Variants in PTPRD observed in about 807,000 individuals in gnomAD.
The protein encoded by PTPRD is protein tyrosine phosphatase receptor type D.
In PTPRD, 34 loss-of-function variants were observed where a neutral mutation model predicts 214.5. That is an observed-to-expected ratio of 0.16 (90% CI 0.12 to 0.21). The LOEUF (loss-of-function observed/expected upper bound fraction) is 0.21, where lower values mean the gene tolerates loss of function less well. Ranked by LOEUF, PTPRD falls within the 10% of genes least tolerant of loss-of-function variation. The probability of loss-of-function intolerance (pLI) is 1.00; values close to 1 mark genes in which losing one functional copy is unlikely to be tolerated. For missense variants in PTPRD, 2,545 were observed against 2,398.7 expected (o/e 1.06, Z -1.27); for synonymous variants, 1,128 against 845.7 (o/e 1.33, Z -5.79).
At chr9:10,443,731 A>G (rs2098777885) in intron 2 of PTPRD, among the ~76,000 whole-genome samples, 1 of 151,408 alleles carries the variant, frequency 6.6e-6, no homozygotes, top group Admixed American at 6.6e-5. Flanking sequence ...TCAGTATTAG[A>G]GTCCATTACC....
At chr9:8,926,894 T>C (rs115216438) in intron 11 of PTPRD, among the ~76,000 whole-genome samples, 6,705 of 152,260 alleles carry the variant, frequency 0.044, 178 homozygotes, top group Middle Eastern at 0.088. Flanking sequence ...ATTAAGACAA[T>C]CTAAGGCAGA....
At chr9:8,634,050 T>A (rs1253792012) in intron 13 of PTPRD, among the ~76,000 whole-genome samples, 1 of 151,996 alleles carries the variant, frequency 6.6e-6, no homozygotes, top group East Asian at 1.9e-4. Context: ...ATCATTCCAG[T>A]ATTTGTTCTA....
At chr9:9,045,162 G>C (rs1590405957) in intron 10 of PTPRD, among the ~76,000 whole-genome samples, 1 of 152,228 alleles carries the variant, frequency 6.6e-6, no homozygotes, top group East Asian at 1.9e-4. Flanking sequence ...GGATTTTAGA[G>C]CACTTAGATG....
chr9:10,267,683 A>G (rs555110649), intron 3 of PTPRD, among the ~76,000 whole-genome samples: 1 of 152,306 alleles, frequency 6.6e-6, no homozygotes, highest in African/African-American at 2.4e-5. Context: ...ATGCTTATGC[A>G]TTTGATCAGA....
At chr9:10,084,464 G>T (rs2098295685) in intron 3 of PTPRD, among the ~76,000 whole-genome samples, 1 of 151,812 alleles carries the variant, frequency 6.6e-6, no homozygotes, top group South Asian at 2.1e-4. Flanking sequence ...GATTAAACCA[G>T]TTTTTGTTTA....
chr9:9,103,534 C>T (rs1199883188), intron 10 of PTPRD, among the ~76,000 whole-genome samples: 1 of 151,804 alleles, frequency 6.6e-6, no homozygotes, highest in Non-Finnish European at 1.5e-5. Flanking sequence ...CACACTAGTT[C>T]TTGGTTTCAA....
rs772947135 is a variant in PTPRD, at chr9:10,110,062, TTTA to T, written c.-544-76275_-544-76273del. On this transcript the variant is annotated intron_variant, in intron 3 of 45. Transcript: ENST00000381196. Reference sequence around the variant, plus strand: ...GTGAGGAAAAATGTAGATGCTATAATTTATTGTTTGTTATTAATTTCAAGGACA... The same window carrying T: ...GTGAGGAAAAATGTAGATGCTATAATTTGTTTGTTATTAATTTCAAGGACA... 6.4e-4 allele frequency among the ~76,000 whole-genome samples: 97 copies of T among 152,224 alleles called. 1 individual carries two copies. Among genetic ancestry groups the T allele is most frequent in the Non-Finnish European group, 1.1e-3 (76 of 68,004 alleles).
chr9:9,696,873 C>A (rs1384794906), intron 7 of PTPRD, among the ~76,000 whole-genome samples: 1 of 152,020 alleles, frequency 6.6e-6, no homozygotes, highest in Admixed American at 6.6e-5. Flanking sequence ...TTTACAAATT[C>A]TCTCTCACTT....
intron 2 of PTPRD, among the ~76,000 whole-genome samples, chr9:10,476,721 C>G (rs918505442): frequency 6.6e-5 from 10 of 152,072 alleles, no homozygotes; most frequent in African/African-American, 2.4e-4. Context: ...AGACATCATG[C>G]TACCTGACTT....
rs183887434 is a variant in PTPRD, at chr9:9,680,618, T to G, written c.-287+53915A>C. On this transcript the variant is annotated intron_variant, in intron 7 of 45. Coordinates refer to ENST00000381196, the MANE Select transcript of PTPRD (RefSeq NM_002839.4). The stretch of plus-strand genomic sequence containing the variant: ...ATGAATTGGAAAGAACTATTGAGAA[T>G]AGCTAACTGGACACCACCTACTACT... 3.3e-3 allele frequency among the ~76,000 whole-genome samples: 503 copies of G among 151,876 alleles called. 2 individuals carry two copies. Among genetic ancestry groups the G allele is most frequent in the African/African-American group, 0.011 (474 of 41,502 alleles).
intron 3 of PTPRD, among the ~76,000 whole-genome samples, chr9:10,315,541 A>G (rs934800898): frequency 1.3e-5 from 2 of 151,890 alleles, no homozygotes; most frequent in African/African-American, 2.4e-5. Flanking sequence ...CTCAAAACCA[A>G]ATTTCTGGAA....
At chr9:8,965,496 T>C (rs1291289674) in intron 11 of PTPRD, among the ~76,000 whole-genome samples, 1 of 152,130 alleles carries the variant, frequency 6.6e-6, no homozygotes, top group Non-Finnish European at 1.5e-5. Context: ...AAATACTTAT[T>C]TTATGAATCT....
At chr9:10,100,559 G>C (rs1204785650) in intron 3 of PTPRD, among the ~76,000 whole-genome samples, 1 of 151,600 alleles carries the variant, frequency 6.6e-6, no homozygotes, top group African/African-American at 2.4e-5. Flanking sequence ...AGCAACCACA[G>C]GGAATATGCA....
intron 4 of PTPRD, among the ~76,000 whole-genome samples, chr9:10,002,468 C>T (rs1200957123): frequency 1.3e-5 from 2 of 150,108 alleles, no homozygotes; most frequent in African/African-American, 4.9e-5. Flanking sequence ...AGACACAAAT[C>T]AGTTGAAAAT....
At chr9:9,417,264 G>A (rs2077268405) in intron 8 of PTPRD, among the ~76,000 whole-genome samples, 1 of 152,196 alleles carries the variant, frequency 6.6e-6, no homozygotes, top group African/African-American at 2.4e-5. Flanking sequence ...TAAAATTAGA[G>A]TTTTAATCTT....
intron 14 of PTPRD, among the ~76,000 whole-genome samples, chr9:8,632,497 G>A (rs572886268): frequency 6.6e-6 from 1 of 151,902 alleles, no homozygotes; most frequent in South Asian, 2.1e-4. Context: ...CAAATGAGTT[G>A]TGTGAGGGAG....
intron 11 of PTPRD, among the ~76,000 whole-genome samples, chr9:8,783,919 C>G (rs2095839524): frequency 6.6e-6 from 1 of 152,170 alleles, no homozygotes; most frequent in Non-Finnish European, 1.5e-5. Flanking sequence ...CATCCTAACA[C>G]AGCTTAAAGT....
intron 10 of PTPRD, among the ~76,000 whole-genome samples, chr9:9,158,962 A>G (rs2099883813): frequency 6.6e-6 from 1 of 152,196 alleles, no homozygotes; most frequent in South Asian, 2.1e-4. Context: ...CAAAAACCAA[A>G]TTATCGTCCC....
In PTPRD at chr9:10,086,468, G is replaced by A. The variant is rs145406962; in HGVS notation, c.-544-52678C>T. Reference sequence around the variant, plus strand: ...AAACTATTGCCTGTCTCAGTGGTATGAAGTGGAAAGCGAATCTATTTCACA... The same window carrying A: ...AAACTATTGCCTGTCTCAGTGGTATAAAGTGGAAAGCGAATCTATTTCACA... On this transcript the variant is annotated intron_variant, in intron 3 of 45. Coordinates refer to ENST00000381196, the MANE Select transcript of PTPRD (RefSeq NM_002839.4). Among the ~76,000 whole-genome samples the A allele has an allele frequency of 4.2e-4, 64 of 151,914 alleles. 1 individual carries two copies. Among genetic ancestry groups the A allele is most frequent in the African/African-American group, 1.5e-3 (63 of 41,490 alleles).
Sources: gnomAD v4.1 joint callset for allele counts (sites outside exome capture counted in the v4.1 genomes callset) on GRCh38, gnomAD v4.1.1 for gene constraint, MANE v1.5 for transcripts, NCBI Gene and HGNC (gene_info 2026-07-23, HGNC 2026-07-21) for gene names.